Variants in GAK observed in about 807,000 individuals in gnomAD.
GAK encodes cyclin G associated kinase, also known as cyclin-G-associated kinase.
In GAK, 79 loss-of-function variants were observed where a neutral mutation model predicts 143.9. The observed-to-expected ratio is 0.55, with a 90% CI of 0.46 to 0.66. The LOEUF (loss-of-function observed/expected upper bound fraction) is 0.66, where lower values mean the gene tolerates loss of function less well. Ranked by LOEUF, GAK falls within the 30% of genes least tolerant of loss-of-function variation. GAK has a pLI of 0.00. For missense variants in GAK, 1,693 were observed against 1,779.7 expected (o/e 0.95, Z 0.88); for synonymous variants, 881 against 765.5 (o/e 1.15, Z -2.49).
intron 11 of GAK, chr4:887,348 CCTA>C (rs1479922593): frequency 6.0e-5 from 9 of 151,222 alleles, no homozygotes; most frequent in Non-Finnish European, 4.4e-5. Context: ...CACAGGCACT[CCTA>C]CGCATGCATA....
Position 893,460 on chromosome 4 carries a change from G to C in GAK, c.907C>G (p.Arg303Gly). 1 of 1,585,254 alleles carries C rather than the reference G, an allele frequency of 6.3e-7. No homozygotes were observed. Among genetic ancestry groups the C allele is most frequent in the Non-Finnish European group, 8.6e-7 (1 of 1,167,738 alleles). Residue 303 changes from arginine (R) to glycine (G), a missense_variant, in exon 9 of 28, where the codon CGG becomes GGG. By Grantham distance (125) the Arg-to-Gly change is moderately radical. Coordinates refer to ENST00000314167, the MANE Select transcript of GAK (RefSeq NM_005255.4). ...RAMLQVNPEE[R>G]LSIAEVVHQL... ...TGCACCACCTCGGCGATGGACAGCCGCTCCTCCGGGTTCACCTGCAGCATG... is the reference window on the plus strand; with the variant it reads ...TGCACCACCTCGGCGATGGACAGCCCCTCCTCCGGGTTCACCTGCAGCATG...
chr4:912,879 G>C (rs1014151030), intron 2 of GAK, 85 bp from the exon 3 acceptor site: 51 of 1,143,176 alleles, frequency 4.5e-5, no homozygotes, highest in Middle Eastern at 2.0e-4. Context: ...ACATAAGCAC[G>C]CAACAGAGCA....
chr4:872,198 A>G (rs573229685), intron 18 of GAK: 1 of 152,214 alleles, frequency 6.6e-6, no homozygotes, highest in South Asian at 2.1e-4. Flanking sequence ...CTTCCTGCTC[A>G]CCCTCTAAAA....
Position 870,801 on chromosome 4 carries a change from G to C in GAK, c.2158C>G (p.Pro720Ala). 1 of 1,614,076 alleles carries C rather than the reference G, an allele frequency of 6.2e-7. No individual in the cohort carries two copies. Among genetic ancestry groups the C allele is most frequent in the Non-Finnish European group, 8.5e-7 (1 of 1,180,002 alleles). Reference protein sequence around the residue: ...EPRDRPSREAPPWENSSMRGL... With the variant: ...EPRDRPSREAAPWENSSMRGL... The stretch of plus-strand genomic sequence containing the variant: ...CTCATGCTCGAGTTCTCCCATGGTG[G>C]GGCTTCCCGGCTCGGCCTGTCCCTG... Residue 720 changes from proline (P) to alanine (A), a missense_variant, in exon 19 of 28, where the codon CCA becomes GCA. Coordinates refer to ENST00000314167, the MANE Select transcript of GAK (RefSeq NM_005255.4).
chr4:882,683 G>A lies in GAK; in HGVS notation c.1527+14C>T, dbSNP rs1279648317. 6.2e-7 allele frequency: 1 copy of A among 1,609,930 alleles called. No homozygotes were observed. The highest frequency in any genetic ancestry group is 8.5e-7 in the Non-Finnish European group (1 of 1,179,778). On this transcript the variant is annotated intron_variant, in intron 14 of 27. Coordinates refer to ENST00000314167, the MANE Select transcript of GAK (RefSeq NM_005255.4). The stretch of plus-strand genomic sequence containing the variant: ...TGACAGAAGACGGCGCCAGCCCACG[G>A]CCCTCGAGCTCACCATGCAGTGCAC...
chr4:880,280 C>T (rs1234296076), intron 15 of GAK, among the ~76,000 whole-genome samples: 4 of 143,692 alleles, frequency 2.8e-5, no homozygotes, highest in African/African-American at 5.2e-5. Flanking sequence ...CACTGGACCA[C>T]GCACCCTGCA....
At chr4:905,028 C>T (rs1033789081) in intron 4 of GAK, among the ~76,000 whole-genome samples, 9 of 152,156 alleles carry the variant, frequency 5.9e-5, no homozygotes, top group South Asian at 2.1e-4. Context: ...GATTGCTTTT[C>T]GTAACCAATC....
At chr4:886,571 G>A (rs774167913) in intron 11 of GAK, 4 of 152,308 alleles carry the variant, frequency 2.6e-5, no homozygotes, top group African/African-American at 4.8e-5. Context: ...GATGCCGAAA[G>A]TGACCGTTCC....
chr4:883,921 TG>T, intron 12 of GAK, 115 bp downstream of exon 12: 1 of 1,029,360 alleles, frequency 9.7e-7, no homozygotes, highest in Non-Finnish European at 1.4e-6. Flanking sequence ...CCTGTGAGTC[TG>T]TGGCCACAGA....
chr4:902,679 G>A (rs912060162), intron 5 of GAK, among the ~76,000 whole-genome samples: 3 of 150,150 alleles, frequency 2.0e-5, no homozygotes, highest in Non-Finnish European at 2.9e-5. Flanking sequence ...GGCAGGCCAG[G>A]CACAGGCTTC....
intron 4 of GAK, among the ~76,000 whole-genome samples, chr4:907,935 T>C (rs1396672197): frequency 6.6e-6 from 1 of 152,008 alleles, no homozygotes; most frequent in Non-Finnish European, 1.5e-5. Context: ...CCGGCCCCTC[T>C]CCTTCCCACA....
chr4:883,177 C>G, intron 13 of GAK, 138 bp downstream of exon 13: 1 of 1,013,356 alleles, frequency 9.9e-7, no homozygotes, highest in Non-Finnish European at 1.4e-6. Flanking sequence ...CCTCCTGTCC[C>G]ACGCTCTGCA....
chr4:870,256 G>A (rs1712260790), intron 19 of GAK, among the ~76,000 whole-genome samples: 1 of 152,248 alleles, frequency 6.6e-6, no homozygotes. Context: ...ACGGCCCTGG[G>A]CCCACCTGCC....
At chr4:881,842 G>C (rs1183313545) in intron 15 of GAK, 65 bp downstream of exon 15, 1 of 1,500,062 alleles carries the variant, frequency 6.7e-7, no homozygotes, top group African/African-American at 1.4e-5. Context: ...AGACACCACA[G>C]CGGGGGCGGC....
chr4:887,358 C>T (rs1260697370), intron 11 of GAK: 2 of 151,670 alleles, frequency 1.3e-5, no homozygotes, highest in African/African-American at 2.4e-5. Context: ...CCTACGCATG[C>T]ATACATGTGC....
chr4:879,641 G>GGTTTTCATGT (rs772357421), intron 15 of GAK, among the ~76,000 whole-genome samples: 26 of 152,084 alleles, frequency 1.7e-4, no homozygotes, highest in Non-Finnish European at 3.2e-4. Flanking sequence ...CACCCGAGTG[G>GGTTTTCATGT]GTTTTCATGT....
Position 883,308 on chromosome 4 carries a change from C to T in GAK, c.1404+7G>A. The stretch of plus-strand genomic sequence containing the variant: ...GTGGCACCAAGACAAAGCCTGTGGC[C>T]ACACACCCGGTTGTGGAACCTGGAG... On this transcript the variant is annotated splice_region_variant and intron_variant, in intron 13 of 27. Transcript: ENST00000314167. The T allele has an allele frequency of 6.2e-7, 1 of 1,612,942 alleles. No individual in the cohort carries two copies. Among genetic ancestry groups the T allele is most frequent in the Non-Finnish European group, 8.5e-7 (1 of 1,179,760 alleles).
At chr4:911,589 C>T in intron 4 of GAK, 84 bp downstream of exon 4, 1 of 905,398 alleles carries the variant, frequency 1.1e-6, no homozygotes, top group Non-Finnish European at 1.8e-6. Flanking sequence ...GGGCATGTTT[C>T]ACAGCCATGC....
intron 4 of GAK, among the ~76,000 whole-genome samples, chr4:905,482 C>G (rs967061201): frequency 7.0e-6 from 1 of 142,074 alleles, no homozygotes; most frequent in African/African-American, 2.8e-5. Flanking sequence ...TGCCATGCTA[C>G]GGACTCCGCC....
Sources: allele counts gnomAD v4.1 joint callset (sites outside exome capture counted in the v4.1 genomes callset), GRCh38; gene constraint gnomAD v4.1.1; transcripts MANE v1.5; gene names NCBI Gene and HGNC (gene_info 2026-07-23, HGNC 2026-07-21).